The following PAX6 variants were observed in gnomAD, a reference collection of about 807,000 sequenced individuals.
PAX6 encodes the protein paired box protein Pax-6.
A neutral mutation model predicts 60.7 loss-of-function variants in PAX6; 7 were observed. The ratio of observed to expected loss-of-function variants is 0.12; its 90% CI spans 0.07 to 0.22. The LOEUF (loss-of-function observed/expected upper bound fraction) is 0.22. PAX6 is among the 10% of genes least tolerant of loss of function. The pLI is 1.00. For synonymous variants in PAX6, 208 were observed against 201.2 expected (o/e 1.03, Z -0.29); for missense variants, 355 against 555.2 (o/e 0.64, Z 3.62).
At chr11:31,805,246 C>G (rs1439881583) in intron 4 of PAX6, 1 of 152,258 alleles carries the variant, frequency 6.6e-6, no homozygotes, top group African/African-American at 2.4e-5. Context: ...AGACAGCCTG[C>G]GGCTGGGGAG....
rs2135034638 is a variant in PAX6, at chr11:31,800,634, G to C, written c.565+57C>G. 5 of 1,592,632 alleles carry C rather than the reference G, an allele frequency of 3.1e-6. No individual in the cohort carries two copies. The East Asian group carries it at 1.1e-4, about 36-fold the overall frequency. On this transcript the variant is annotated intron_variant, in intron 8 of 13. Coordinates refer to ENST00000640368, the MANE Select transcript of PAX6 (RefSeq NM_001368894.2). ...GAGAGGAAATGGTTGGGAGAGTAGGGGACAGGCAAAGGGATGCACATATGG... is the reference window on the plus strand; with the variant it reads ...GAGAGGAAATGGTTGGGAGAGTAGGCGACAGGCAAAGGGATGCACATATGG...
rs1250874661 is a variant in PAX6 at position 31,789,308 on chromosome 11, C to G, written c.*626G>C. 2.5e-5 allele frequency: 6 copies of G among 242,244 alleles called. No homozygotes were observed. Among genetic ancestry groups the G allele is most frequent in the Non-Finnish European group, 4.0e-5 (5 of 125,098 alleles). 15.0% of individuals were successfully genotyped at this position (242,244 alleles called of 1,614,324 possible). ...TGGATTATATCGAAGACACACTCTA[C>G]CTTTTAGCTATCAACTTTTTTTCTT... On this transcript the variant is annotated 3_prime_UTR_variant, in exon 14 of 14. Transcript: ENST00000640368.
rs11031479 is a variant in PAX6, at chr11:31,802,060, T to A, written c.142-148A>T. Reference sequence around the variant, plus strand: ...AAAAAACGAATTTAAAAGCTTTTTTTAAAAAAAAAACTTTTCTTAAACACT... The same window carrying A: ...AAAAAACGAATTTAAAAGCTTTTTTAAAAAAAAAAACTTTTCTTAAACACT... On this transcript the variant is annotated intron_variant, in intron 5 of 13. Transcript: ENST00000640368. The A allele has an allele frequency of 8.0e-3, 5,212 of 654,994 alleles. 194 individuals are homozygous for A. Among genetic ancestry groups the A allele is most frequent in the African/African-American group, 0.079 (4,227 of 53,268 alleles). The allele number at this position is 654,994 out of a possible 1,614,324, so 40.6% of individuals were successfully genotyped here.
At chr11:31,797,847 G>A (rs575718404) in intron 8 of PAX6, among the ~76,000 whole-genome samples, 63 of 152,246 alleles carry the variant, frequency 4.1e-4, no homozygotes, top group African/African-American at 1.4e-3. Flanking sequence ...CCTCGGAGCC[G>A]CGCAAAGCAG....
At position 31,798,182 on chromosome 11, in the gene PAX6, G is replaced by A. The variant is rs1321862493; in HGVS notation, c.565+2509C>T. Reference sequence around the variant, plus strand: ...AAAGAGAGGCTGACTAAATCCTATAGAGGGCTTGGGTATTATGGGGGGTGG... The same window carrying A: ...AAAGAGAGGCTGACTAAATCCTATAAAGGGCTTGGGTATTATGGGGGGTGG... On this transcript the variant is annotated intron_variant, in intron 8 of 13. Transcript: ENST00000640368. 2.0e-5 allele frequency among the ~76,000 whole-genome samples: 3 copies of A among 150,704 alleles called. No individual in the cohort carries two copies. The East Asian group carries it at 5.8e-4, about 29-fold the overall frequency.
At chr11:31,798,342 C>T (rs535211671) in intron 8 of PAX6, among the ~76,000 whole-genome samples, 1 of 152,306 alleles carries the variant, frequency 6.6e-6, no homozygotes, top group South Asian at 2.1e-4. Flanking sequence ...TATTCACCGC[C>T]GCATGGCGTT....
chr11:31,791,787 G>A, intron 12 of PAX6: 1 of 152,166 alleles, frequency 6.6e-6, no homozygotes, highest in East Asian at 1.9e-4. Flanking sequence ...GATGATTTTG[G>A]TCAAGAGAAT....
chr11:31,795,687 C>G (rs887359672), intron 8 of PAX6, among the ~76,000 whole-genome samples: 3 of 152,232 alleles, frequency 2.0e-5, no homozygotes, highest in Non-Finnish European at 4.4e-5. Flanking sequence ...TAACTTCTAT[C>G]ATTATACAGG....
At chr11:31,794,379 G>A (rs1303474946) in intron 9 of PAX6, 13 of 598,176 alleles carry the variant, frequency 2.2e-5, no homozygotes, top group Non-Finnish European at 3.8e-5. Flanking sequence ...TTTAGTCTTT[G>A]AATTACTGGT....
Position 31,801,444 on chromosome 11 carries a change from T to A in PAX6, c.399+117A>T, listed in dbSNP as rs551993877. ...TTCCCCCAGGTACAAAGGAGACAAA[T>A]GTGGAGCAGGGAGAGGACACAGACT... On this transcript the variant is annotated intron_variant, in intron 7 of 13. Transcript: ENST00000640368. 3.3e-4 allele frequency: 523 copies of A among 1,573,786 alleles called. 1 individual carries two copies. In the Middle Eastern group the frequency reaches 4.2e-3, roughly 13 times the overall value.
chr11:31,805,252 G>A (rs1955438044), intron 4 of PAX6: 4 of 152,258 alleles, frequency 2.6e-5, no homozygotes, highest in Admixed American at 2.6e-4. Flanking sequence ...CCTGCGGCTG[G>A]GGAGTCTGAG....
chr11:31,811,412 G>A, upstream of PAX6: 1 of 396,886 alleles, frequency 2.5e-6, no homozygotes, highest in Non-Finnish European at 4.4e-6. Flanking sequence ...CCCTCTCCCC[G>A]CCTGGTGCAA....
intron 8 of PAX6, among the ~76,000 whole-genome samples, chr11:31,798,023 T>A (rs936979020): frequency 2.0e-5 from 3 of 151,500 alleles, no homozygotes; most frequent in African/African-American, 7.3e-5. Context: ...AGAGAGTTGC[T>A]GGGAAATAAA....
At chr11:31,810,518 G>A (rs1439190719) in intron 2 of PAX6, 2 of 210,724 alleles carry the variant, frequency 9.5e-6, no homozygotes, top group East Asian at 2.0e-4. Flanking sequence ...CGCGGCTGCT[G>A]TCGCGCCTGG....
At chr11:31,794,431 C>CAA (rs1950863137) in intron 9 of PAX6, 199 bp downstream of exon 9, 1 of 21,048 alleles carries the variant, frequency 4.8e-5, no homozygotes, top group East Asian at 2.6e-4. Context: ...CACACACACA[C>CAA]ACACACACAC....
At chr11:31,790,914 A>G in intron 12 of PAX6, 54 bp from the exon 13 acceptor site, 1 of 1,585,928 alleles carries the variant, frequency 6.3e-7, no homozygotes, top group Middle Eastern at 1.7e-4. Context: ...ACACAGCCAC[A>G]GCCCCAGGCT....
In PAX6 at chr11:31,801,781, A is replaced by G. The variant is rs1131692292; in HGVS notation, c.184-5T>C. 1.2e-6 allele frequency: 2 copies of G among 1,614,230 alleles called. No individual in the cohort carries two copies. The highest frequency in any genetic ancestry group is 1.7e-5 in the Admixed American group (1 of 60,032). On this transcript the variant is annotated splice_region_variant and splice_polypyrimidine_tract_variant and intron_variant, in intron 6 of 13. Transcript: ENST00000640368. Reference sequence around the variant, plus strand: ...ACTCACACATCCGTTGGACACCTGCATAGGGGAAGTGGACAGAAAACCACA... The same window carrying G: ...ACTCACACATCCGTTGGACACCTGCGTAGGGGAAGTGGACAGAAAACCACA...
chr11:31,816,751 A>T, intron 1 of PAX6: 3 of 658,122 alleles, frequency 4.6e-6, no homozygotes, highest in Non-Finnish European at 8.3e-6. Context: ...GTCACAGGTG[A>T]CTGAGCTCCG....
At chr11:31,790,373 G>A (rs1438242019) in intron 13 of PAX6, 14 of 1,088,290 alleles carry the variant, frequency 1.3e-5, no homozygotes, top group Non-Finnish European at 1.7e-5. Context: ...GGAGCTATGA[G>A]GGCAAGAAGC....
Sources: allele counts gnomAD v4.1 joint callset (sites outside exome capture counted in the v4.1 genomes callset), GRCh38; gene constraint gnomAD v4.1.1; transcripts MANE v1.5; gene names NCBI Gene and HGNC (gene_info 2026-07-23, HGNC 2026-07-21).